Variants in ABHD12 observed in about 807,000 individuals in gnomAD.
The protein encoded by ABHD12 is abhydrolase domain containing 12, lysophospholipase.
A neutral mutation model predicts 58.3 loss-of-function variants in ABHD12; 43 were observed. The observed-to-expected ratio is 0.74, with a 90% CI of 0.58 to 0.95. The LOEUF is 0.95. ABHD12 is among the 40% of genes least tolerant of loss of function. ABHD12 has a pLI of 0.00. For missense variants in ABHD12, 539 were observed against 537.2 expected (o/e 1.00, Z -0.03); for synonymous variants, 219 against 211.2 (o/e 1.04, Z -0.32).
intron 6 of ABHD12, among the ~76,000 whole-genome samples, chr20:25,312,768 G>A (rs2145946543): frequency 6.6e-6 from 1 of 151,508 alleles, no homozygotes; most frequent in Non-Finnish European, 1.5e-5. Context: ...CGTCTGAGAT[G>A]TGGGGAGCGC....
chr20:25,384,477 G>A (rs1402549303), intron 1 of ABHD12, among the ~76,000 whole-genome samples: 1 of 151,588 alleles, frequency 6.6e-6, no homozygotes, highest in Non-Finnish European at 1.5e-5. Flanking sequence ...GGGTGCACTG[G>A]CTCATGCCTG....
intron 1 of ABHD12, among the ~76,000 whole-genome samples, chr20:25,380,250 C>T (rs532751177): frequency 1.3e-5 from 2 of 151,988 alleles, no homozygotes; most frequent in African/African-American, 4.8e-5. Context: ...ATACAATTAC[C>T]ATTGAGTGGT....
intron 10 of ABHD12, among the ~76,000 whole-genome samples, chr20:25,304,273 C>G (rs1389024545): frequency 6.6e-6 from 1 of 152,230 alleles, no homozygotes; most frequent in Non-Finnish European, 1.5e-5. Context: ...GAGCCCCCGC[C>G]CTGTCTGTGC....
intron 1 of ABHD12, among the ~76,000 whole-genome samples, chr20:25,360,762 C>T (rs1053404272): frequency 2.6e-5 from 4 of 152,154 alleles, no homozygotes; most frequent in African/African-American, 7.2e-5. Flanking sequence ...GAAGACAAGG[C>T]ACATGAACCA....
At position 25,320,666 on chromosome 20, in the gene ABHD12, C is replaced by T. The variant is rs533318530; in HGVS notation, c.423-348G>A. ...AGTCCATCTTGAGTAATAGCATTTT[C>T]CTCATACGTGCCCCACATCCCAGTT... On this transcript the variant is annotated intron_variant, in intron 3 of 12. Coordinates refer to ENST00000339157, the MANE Select transcript of ABHD12 (RefSeq NM_001042472.3). Among the ~76,000 whole-genome samples, 73 of 152,356 alleles carry T rather than the reference C, an allele frequency of 4.8e-4. 1 individual carries two copies. The highest frequency in any genetic ancestry group is 1.7e-3 in the African/African-American group (69 of 41,582).
chr20:25,379,659 A>T (rs1484812498), intron 1 of ABHD12, among the ~76,000 whole-genome samples: 2 of 152,172 alleles, frequency 1.3e-5, no homozygotes, highest in Non-Finnish European at 2.9e-5. Flanking sequence ...AATATTGCAC[A>T]ATTATGATAT....
exon 13 of ABHD12, chr20:25,294,848 A>T: frequency 9.6e-7 from 1 of 1,042,672 alleles, no homozygotes; most frequent in Non-Finnish European, 1.5e-6. Flanking sequence ...GCAGTTCTTC[A>T]CCGTTGGCAA....
At chr20:25,373,760 G>T (rs920769253) in intron 1 of ABHD12, among the ~76,000 whole-genome samples, 6 of 151,916 alleles carry the variant, frequency 3.9e-5, no homozygotes, top group African/African-American at 1.5e-4. Flanking sequence ...TCTTATGCAG[G>T]AGATTAATTA....
At chr20:25,312,975 CCCGACCGGCCAGCCA>C (rs2088888597) in intron 6 of ABHD12, among the ~76,000 whole-genome samples, 1 of 151,158 alleles carries the variant, frequency 6.6e-6, no homozygotes, top group South Asian at 2.1e-4. Context: ...GGGGCCAGCC[CCCGACCGGCCAGCCA>C]CCCCGTCTGG....
intron 1 of ABHD12, among the ~76,000 whole-genome samples, chr20:25,341,360 A>AGTT (rs1278983851): frequency 2.6e-5 from 4 of 152,238 alleles, no homozygotes; most frequent in Non-Finnish European, 4.4e-5. Flanking sequence ...TACAAGAGTT[A>AGTT]ACTAGATGAT....
At chr20:25,325,447 G>A (rs2089158770) in intron 2 of ABHD12, among the ~76,000 whole-genome samples, 1 of 152,154 alleles carries the variant, frequency 6.6e-6, no homozygotes. Flanking sequence ...TCTTTATGGA[G>A]GTAATCAAGC....
At chr20:25,381,860 G>A (rs1160402369) in intron 1 of ABHD12, among the ~76,000 whole-genome samples, 1 of 152,096 alleles carries the variant, frequency 6.6e-6, no homozygotes, top group Non-Finnish European at 1.5e-5. Flanking sequence ...GTTTCACCAC[G>A]TTGGCCAGGC....
chr20:25,375,009 T>C (rs984904852), intron 1 of ABHD12, among the ~76,000 whole-genome samples: 1 of 152,062 alleles, frequency 6.6e-6, no homozygotes, highest in Non-Finnish European at 1.5e-5. Context: ...AGAGAGAGGG[T>C]CTTAAGGAGG....
At chr20:25,385,625 T>G (rs1180713026) in intron 1 of ABHD12, among the ~76,000 whole-genome samples, 2 of 151,992 alleles carry the variant, frequency 1.3e-5, no homozygotes, top group Non-Finnish European at 2.9e-5. Context: ...GTGGAAGGAC[T>G]GCTTGAGAGA....
chr20:25,378,641 C>T (rs2089987244), intron 1 of ABHD12, among the ~76,000 whole-genome samples: 1 of 152,046 alleles, frequency 6.6e-6, no homozygotes, highest in Non-Finnish European at 1.5e-5. Context: ...AGTCAATATA[C>T]CCCAAGCTTT....
chr20:25,353,663 C>T (rs1013125495), intron 1 of ABHD12, among the ~76,000 whole-genome samples: 1 of 152,112 alleles, frequency 6.6e-6, no homozygotes, highest in East Asian at 1.9e-4. Flanking sequence ...TTGGCTCTTA[C>T]GGGAGAGTTG....
intron 4 of ABHD12, 111 bp downstream of exon 4, chr20:25,320,088 T>C (rs1385878532): frequency 6.6e-7 from 1 of 1,507,694 alleles, no homozygotes; most frequent in Non-Finnish European, 9.0e-7. Flanking sequence ...ACACCCAATT[T>C]TGTGGGACCG....
chr20:25,317,471 C>T (rs1252094638), intron 4 of ABHD12, among the ~76,000 whole-genome samples: 5 of 152,236 alleles, frequency 3.3e-5, no homozygotes, highest in African/African-American at 1.2e-4. Flanking sequence ...TCTGCCCTCA[C>T]TTCTTGCTCC....
At chr20:25,295,576 TGGCC>T, downstream of ABHD12, 1 of 1,606,874 alleles carries the variant, frequency 6.2e-7, no homozygotes, top group Non-Finnish European at 8.5e-7. Flanking sequence ...CCTGCTGCCC[TGGCC>T]CAGCCTCCTT....
Sources: allele counts gnomAD v4.1 joint callset (sites outside exome capture counted in the v4.1 genomes callset), GRCh38; gene constraint gnomAD v4.1.1; transcripts MANE v1.5; gene names NCBI Gene and HGNC (gene_info 2026-07-23, HGNC 2026-07-21).